The following HIP1 variants were observed in gnomAD, a reference collection of about 807,000 sequenced individuals.
HIP1 encodes the protein huntingtin-interacting protein 1.
A neutral mutation model predicts 147.6 loss-of-function variants in HIP1; 65 were observed. That is an observed-to-expected ratio of 0.44 (90% CI 0.36 to 0.54). The LOEUF is 0.54. Among genes scored for constraint, HIP1 ranks in the 20% least tolerant of loss-of-function variants. The pLI is 0.00. For synonymous variants in HIP1, 479 were observed against 504.0 expected (o/e 0.95, Z 0.67); for missense variants, 1,061 against 1,299.6 (o/e 0.82, Z 2.82).
At chr7:75,595,975 C>T (rs187150983) in intron 2 of HIP1, among the ~76,000 whole-genome samples, 357 of 152,206 alleles carry the variant, frequency 2.3e-3, no homozygotes, top group Non-Finnish European at 3.7e-3. Context: ...TGGTGGCTCA[C>T]GCCTGTAATT....
chr7:75,692,484 G>C (rs1275844833), intron 1 of HIP1, among the ~76,000 whole-genome samples: 1 of 151,554 alleles, frequency 6.6e-6, no homozygotes, highest in Non-Finnish European at 1.5e-5. Context: ...ACAGTGGCGC[G>C]ATCTTGGCTT....
chr7:75,709,477 C>T lies in HIP1; in HGVS notation c.120+29324G>A, dbSNP rs190863121. 2.4e-4 allele frequency among the ~76,000 whole-genome samples: 37 copies of T among 152,218 alleles called. No individual in the cohort carries two copies. In the East Asian group the frequency reaches 6.2e-3, roughly 25 times the overall value. On this transcript the variant is annotated intron_variant, in intron 1 of 30. Transcript: ENST00000336926. ...TGTTTTCTTAATTTCCTTTTCAGAT[C>T]GTTCATTGTTCATGTTTAAAAATGC...
intron 1 of HIP1, among the ~76,000 whole-genome samples, chr7:75,683,606 G>T (rs571731270): frequency 2.0e-5 from 3 of 152,250 alleles, no homozygotes; most frequent in Middle Eastern, 3.4e-3. Context: ...TCTGAGGCCC[G>T]GAGCCTCTGG....
At chr7:75,555,023 A>G (rs1224133378) in intron 19 of HIP1, among the ~76,000 whole-genome samples, 1 of 151,710 alleles carries the variant, frequency 6.6e-6, no homozygotes, top group Non-Finnish European at 1.5e-5. Flanking sequence ...CTGAGCAACA[A>G]ACCGAAACCA....
intron 1 of HIP1, among the ~76,000 whole-genome samples, chr7:75,673,316 C>A (rs1799781711): frequency 6.6e-6 from 1 of 152,136 alleles, no homozygotes; most frequent in African/African-American, 2.4e-5. Context: ...AACCACTGAG[C>A]CCGGCCTTGT....
At chr7:75,675,195 C>A (rs1799853744) in intron 1 of HIP1, among the ~76,000 whole-genome samples, 1 of 151,838 alleles carries the variant, frequency 6.6e-6, no homozygotes, top group Admixed American at 6.6e-5. Flanking sequence ...CTTCTCAAAT[C>A]TGATACTGAT....
intron 1 of HIP1, among the ~76,000 whole-genome samples, chr7:75,711,962 G>C (rs1801177617): frequency 6.6e-6 from 1 of 152,086 alleles, no homozygotes; most frequent in African/African-American, 2.4e-5. Context: ...ACTCATCTGG[G>C]GTTACTTTCC....
At chr7:75,709,654 A>T (rs1801107858) in intron 1 of HIP1, among the ~76,000 whole-genome samples, 1 of 152,020 alleles carries the variant, frequency 6.6e-6, no homozygotes, top group African/African-American at 2.4e-5. Flanking sequence ...CTTCCTTTCC[A>T]ATTTGGATGC....
chr7:75,601,472 C>T (rs1434311006), intron 1 of HIP1, among the ~76,000 whole-genome samples: 2 of 151,852 alleles, frequency 1.3e-5, no homozygotes, highest in Non-Finnish European at 2.9e-5. Flanking sequence ...GCCTGTAATC[C>T]CAGCTACTTG....
intron 22 of HIP1, among the ~76,000 whole-genome samples, chr7:75,551,726 C>T (rs1384118640): frequency 6.6e-6 from 1 of 151,254 alleles, no homozygotes; most frequent in Non-Finnish European, 1.5e-5. Context: ...CTCACCATCA[C>T]ACCCGGCCAA....
chr7:75,599,610 G>A (rs957228617), intron 1 of HIP1, among the ~76,000 whole-genome samples: 2 of 152,238 alleles, frequency 1.3e-5, no homozygotes, highest in African/African-American at 2.4e-5. Flanking sequence ...AGGAAGAGGC[G>A]CAGAGATCAG....
chr7:75,584,254 G>A lies in HIP1; in HGVS notation c.466-2103C>T, dbSNP rs188478992. Among the ~76,000 whole-genome samples the A allele has an allele frequency of 1.7e-3, 256 of 151,228 alleles. 1 individual carries two copies. The highest frequency in any genetic ancestry group is 7.8e-4 in the East Asian group (4 of 5,102). On this transcript the variant is annotated intron_variant, in intron 5 of 30. Transcript: ENST00000336926. ...GCTGGGATTACAAGCGTGAGCCACC[G>A]CGCCTGGCCAAAAAAAATTTTTTTT...
At chr7:75,724,200 G>A (rs990193225) in intron 1 of HIP1, among the ~76,000 whole-genome samples, 5 of 151,876 alleles carry the variant, frequency 3.3e-5, no homozygotes, top group South Asian at 2.1e-4. Context: ...CAGGTGATCC[G>A]CCTTGGCCTC....
chr7:75,540,058 T>C (rs1367680896), intron 29 of HIP1, among the ~76,000 whole-genome samples: 1 of 152,188 alleles, frequency 6.6e-6, no homozygotes, highest in African/African-American at 2.4e-5. Flanking sequence ...GCCTGGAAAA[T>C]CTTACTATAA....
chr7:75,717,733 G>A (rs1801366933), intron 1 of HIP1, among the ~76,000 whole-genome samples: 1 of 150,704 alleles, frequency 6.6e-6, no homozygotes. Flanking sequence ...CACTTTGGGA[G>A]GCCGAGGTGG....
chr7:75,617,436 C>G (rs1488601673), intron 1 of HIP1, among the ~76,000 whole-genome samples: 2 of 151,414 alleles, frequency 1.3e-5, no homozygotes, highest in Non-Finnish European at 2.9e-5. Context: ...AGGCTGGTCT[C>G]GAACTCCTGG....
At chr7:75,629,215 C>T (rs782509122) in intron 1 of HIP1, among the ~76,000 whole-genome samples, 2 of 152,158 alleles carry the variant, frequency 1.3e-5, no homozygotes, top group Non-Finnish European at 2.9e-5. Context: ...ATCTCCAGGC[C>T]CGGGTAGCAG....
rs148719450 is a variant in HIP1 at position 75,570,221 on chromosome 7, C to T, written c.746-1965G>A. 5.9e-5 allele frequency among the ~76,000 whole-genome samples: 9 copies of T among 151,446 alleles called. No individual in the cohort carries two copies. In the East Asian group the frequency reaches 9.7e-4, roughly 16 times the overall value. ...TGCTGGGATTACAGGTGTGAGTCAC[C>T]GTGCCCTGCCTTAAGTACGAACTTT... On this transcript the variant is annotated intron_variant, in intron 8 of 30. Transcript: ENST00000336926.
intron 1 of HIP1, among the ~76,000 whole-genome samples, chr7:75,722,062 G>C (rs1801517475): frequency 6.6e-6 from 1 of 152,216 alleles, no homozygotes; most frequent in Admixed American, 6.5e-5. Context: ...CCAGCACTTT[G>C]GGAGGCGGAG....
Sources: gnomAD v4.1 joint callset for allele counts (sites outside exome capture counted in the v4.1 genomes callset) on GRCh38, gnomAD v4.1.1 for gene constraint, MANE v1.5 for transcripts, NCBI Gene and HGNC (gene_info 2026-07-23, HGNC 2026-07-21) for gene names.